Variants in MSI2 observed in about 807,000 individuals in gnomAD.
MSI2 encodes the protein musashi RNA binding protein 2, also known as RNA-binding protein Musashi homolog 2.
In MSI2, 17 loss-of-function variants were observed where a neutral mutation model predicts 45.6. That is an observed-to-expected ratio of 0.37 (90% CI 0.26 to 0.56). The LOEUF (loss-of-function observed/expected upper bound fraction) is 0.56. MSI2 is among the 20% of genes least tolerant of loss of function. MSI2 has a pLI of 0.77. For synonymous variants in MSI2, 156 were observed against 158.2 expected, an observed-to-expected ratio of 0.99 and a Z score of 0.11; for missense variants, 293 against 444.2, an observed-to-expected ratio of 0.66 and a Z score of 3.06.
chr17:57,507,249 G>A (rs75841763), intron 6 of MSI2, among the ~76,000 whole-genome samples: 15,785 of 139,328 alleles, frequency 0.11, 1,635 homozygotes, highest in African/African-American at 0.18. Context: ...GTGTGTGTGT[G>A]TGTGTGTGTG....
At chr17:57,583,953 T>A (rs1292283919) in intron 7 of MSI2, among the ~76,000 whole-genome samples, 4 of 152,242 alleles carry the variant, frequency 2.6e-5, no homozygotes, top group Non-Finnish European at 5.9e-5. Context: ...GACTGATGCA[T>A]CTTACATTTT....
At chr17:57,377,813 C>T (rs1229171690) in intron 5 of MSI2, among the ~76,000 whole-genome samples, 2 of 152,154 alleles carry the variant, frequency 1.3e-5, no homozygotes, top group African/African-American at 2.4e-5. Flanking sequence ...CAGTGGCTCA[C>T]GCCTGTAATC....
At chr17:57,481,557 T>C (rs748894849) in intron 6 of MSI2, among the ~76,000 whole-genome samples, 9 of 152,238 alleles carry the variant, frequency 5.9e-5, no homozygotes, top group Non-Finnish European at 1.2e-4. Flanking sequence ...TGACAATTGG[T>C]AGATTGTAGT....
chr17:57,298,402 T>C (rs1479451317), intron 5 of MSI2, among the ~76,000 whole-genome samples: 6 of 152,332 alleles, frequency 3.9e-5, no homozygotes, highest in Middle Eastern at 3.4e-3. Context: ...CAGTAAACCA[T>C]GCTATAAAGA....
intron 5 of MSI2, among the ~76,000 whole-genome samples, chr17:57,347,706 T>C (rs1204324819): frequency 3.9e-5 from 6 of 152,220 alleles, no homozygotes; most frequent in Non-Finnish European, 8.8e-5. Context: ...GGTTTCTCTC[T>C]TGGTAGAGTA....
At chr17:57,506,870 CAGCT>C (rs1178875437) in intron 6 of MSI2, among the ~76,000 whole-genome samples, 1 of 152,074 alleles carries the variant, frequency 6.6e-6, no homozygotes, top group South Asian at 2.1e-4. Flanking sequence ...AGATTTCTGA[CAGCT>C]AGGAAATGCC....
intron 5 of MSI2, among the ~76,000 whole-genome samples, chr17:57,382,243 T>A (rs1736583848): frequency 6.6e-6 from 1 of 152,202 alleles, no homozygotes. Context: ...GAAAGCTTAC[T>A]TTCTGGTAGG....
At chr17:57,415,145 G>C (rs1239314577) in intron 6 of MSI2, among the ~76,000 whole-genome samples, 1 of 152,160 alleles carries the variant, frequency 6.6e-6, no homozygotes, top group Non-Finnish European at 1.5e-5. Context: ...GGGCACCAGG[G>C]ATGGGGGTAC....
chr17:57,597,982 T>G (rs138188532), intron 8 of MSI2, among the ~76,000 whole-genome samples: 19 of 152,322 alleles, frequency 1.2e-4, no homozygotes, highest in African/African-American at 4.3e-4. Context: ...TGGGAAGTCG[T>G]GTAGGCCTCC....
intron 6 of MSI2, among the ~76,000 whole-genome samples, chr17:57,482,653 A>G (rs973512395): frequency 6.6e-6 from 1 of 152,222 alleles, no homozygotes; most frequent in Non-Finnish European, 1.5e-5. Flanking sequence ...CTGAAGCATG[A>G]GAAGTTTGGG....
intron 5 of MSI2, among the ~76,000 whole-genome samples, chr17:57,361,164 A>C (rs1401325396): frequency 6.6e-6 from 1 of 152,174 alleles, no homozygotes; most frequent in Non-Finnish European, 1.5e-5. Context: ...TCTGCGTATA[A>C]CTTTTGAGTA....
At chr17:57,321,667 A>T (rs1021198158) in intron 5 of MSI2, among the ~76,000 whole-genome samples, 3 of 152,066 alleles carry the variant, frequency 2.0e-5, no homozygotes, top group Non-Finnish European at 4.4e-5. Flanking sequence ...GACAAGGGTG[A>T]GCTGGAAAGG....
the MSI2 span, among the ~76,000 whole-genome samples, chr17:57,696,038 T>C: frequency 5.3e-5 from 8 of 152,312 alleles, no homozygotes; most frequent in Non-Finnish European, 2.9e-5. Context: ...CACCTCCAGA[T>C]ACAGCCACAC....
chr17:57,326,473 T>C (rs536785330), intron 5 of MSI2, among the ~76,000 whole-genome samples: 2 of 152,328 alleles, frequency 1.3e-5, no homozygotes, highest in Middle Eastern at 3.4e-3. Flanking sequence ...AGGTCTGTAT[T>C]TCTTGGTTCA....
intron 7 of MSI2, among the ~76,000 whole-genome samples, chr17:57,549,933 G>A (rs952362853): frequency 1.3e-5 from 2 of 152,186 alleles, no homozygotes; most frequent in Non-Finnish European, 2.9e-5. Flanking sequence ...TGACTGCAGG[G>A]AGGTCAGTTG....
intron 6 of MSI2, among the ~76,000 whole-genome samples, chr17:57,414,546 C>T (rs61646494): frequency 0.041 from 6,266 of 152,080 alleles, 417 homozygotes; most frequent in African/African-American, 0.14. Flanking sequence ...CCTGTCACCA[C>T]GCTTGGCTAA....
chr17:57,401,185 A>G (rs2083982871), intron 5 of MSI2, among the ~76,000 whole-genome samples, 194 bp from the exon 6 acceptor site: 2 of 152,200 alleles, frequency 1.3e-5, no homozygotes, highest in African/African-American at 4.8e-5. Context: ...TTAGGTTGCC[A>G]TCTGAATGCC....
chr17:57,545,849 G>A (rs563890509), intron 7 of MSI2, among the ~76,000 whole-genome samples: 6 of 152,030 alleles, frequency 3.9e-5, no homozygotes, highest in East Asian at 1.9e-4. Context: ...ATGATCTTTC[G>A]TGGGAATAAC....
chr17:57,522,412 G>A (rs17761789), intron 6 of MSI2: 5,450 of 152,208 alleles, frequency 0.036, 139 homozygotes, highest in Non-Finnish European at 0.054. Flanking sequence ...ATCATCTGAA[G>A]TGCCGTTTCC....
Sources: gnomAD v4.1 joint callset for allele counts (sites outside exome capture counted in the v4.1 genomes callset) on GRCh38, gnomAD v4.1.1 for gene constraint, MANE v1.5 for transcripts, NCBI Gene and HGNC (gene_info 2026-07-23, HGNC 2026-07-21) for gene names.